Variants in NOS1AP observed in about 807,000 individuals in gnomAD.
NOS1AP encodes the protein carboxyl-terminal PDZ ligand of neuronal nitric oxide synthase protein.
A neutral mutation model predicts 56.2 loss-of-function variants in NOS1AP; 21 were observed. The ratio of observed to expected loss-of-function variants is 0.37; its 90% CI spans 0.26 to 0.54. The LOEUF (loss-of-function observed/expected upper bound fraction) is 0.54. Among genes scored for constraint, NOS1AP ranks in the 20% least tolerant of loss-of-function variants. The probability of loss-of-function intolerance (pLI) is 0.84; values close to 1 mark genes in which losing one functional copy is unlikely to be tolerated. For synonymous variants in NOS1AP, 270 were observed against 274.6 expected (o/e 0.98, Z 0.17); for missense variants, 522 against 657.8 (o/e 0.79, Z 2.26).
chr1:162,136,001 T>G (rs1309416988), intron 1 of NOS1AP, among the ~76,000 whole-genome samples: 1 of 152,210 alleles, frequency 6.6e-6, no homozygotes, highest in Admixed American at 6.5e-5. Context: ...TTTAGAATCC[T>G]GAGATTCTGG....
chr1:162,267,345 T>C (rs1654455567), intron 2 of NOS1AP, among the ~76,000 whole-genome samples: 2 of 152,196 alleles, frequency 1.3e-5, no homozygotes, highest in African/African-American at 4.8e-5. Flanking sequence ...GAATGGTTGT[T>C]AAACCTGGTG....
intron 1 of NOS1AP, among the ~76,000 whole-genome samples, chr1:162,121,117 G>GCATTTTTTT (rs1361698365): frequency 7.7e-6 from 1 of 129,804 alleles, no homozygotes; most frequent in African/African-American, 3.1e-5. Flanking sequence ...TTGAAAAACT[G>GCATTTTTTT]CATTTGAGAG....
In NOS1AP at chr1:162,355,294, C is replaced by T. The variant is rs1657665846; in HGVS notation, c.703C>T (p.Arg235Ter). Residue 235 changes from arginine to a stop codon, truncating the protein, a stop_gained, in exon 7 of 10, where the codon CGA becomes TGA. Transcript: ENST00000361897. LOFTEE classifies it high-confidence loss of function. ...LPGNDVLEFSRGVTDLDAVGK... is the reference protein window; with the variant it reads ...LPGNDVLEFS The stretch of plus-strand genomic sequence containing the variant: ...AGGGAATGATGTCCTGGAATTCAGC[C>T]GAGGTGTGACTGATCTAGATGCTGT... 3 of 1,613,996 alleles carry T rather than the reference C, an allele frequency of 1.9e-6. No individual in the cohort carries two copies. The highest frequency in any genetic ancestry group is 1.7e-6 in the Non-Finnish European group (2 of 1,179,992).
chr1:162,182,184 G>A (rs563537071), intron 2 of NOS1AP, among the ~76,000 whole-genome samples: 6 of 152,236 alleles, frequency 3.9e-5, no homozygotes, highest in East Asian at 1.9e-4. Flanking sequence ...TAATTGTTAC[G>A]ACAGTCATCA....
At chr1:162,306,714 A>ATCACTTGAT (rs1655841879) in intron 4 of NOS1AP, among the ~76,000 whole-genome samples, 2 of 152,324 alleles carry the variant, frequency 1.3e-5, no homozygotes, top group Admixed American at 1.3e-4. Context: ...AGTTGGGCGA[A>ATCACTTGAT]TCACTTGAGG....
chr1:162,231,934 T>C, intron 2 of NOS1AP, among the ~76,000 whole-genome samples: 1 of 152,260 alleles, frequency 6.6e-6, no homozygotes, highest in East Asian at 1.9e-4. Context: ...GCAATGGTTA[T>C]CTTTGGGAAT....
chr1:162,261,460 C>CGGGGGGGGGGGG (rs1654209125), intron 2 of NOS1AP, among the ~76,000 whole-genome samples: 1 of 11,126 alleles, frequency 9.0e-5, no homozygotes, highest in African/African-American at 2.7e-4. Flanking sequence ...AGAGAGGCAG[C>CGGGGGGGGGGGG]GGGGAGTCAG....
intron 1 of NOS1AP, among the ~76,000 whole-genome samples, chr1:162,126,955 A>G (rs978079590): frequency 6.6e-6 from 1 of 152,140 alleles, no homozygotes; most frequent in African/African-American, 2.4e-5. Context: ...TGTATTGTCA[A>G]ACTTGGATTT....
At chr1:162,196,653 T>A (rs1402261149) in intron 2 of NOS1AP, among the ~76,000 whole-genome samples, 3 of 152,342 alleles carry the variant, frequency 2.0e-5, no homozygotes, top group Non-Finnish European at 4.4e-5. Context: ...AGGAAAGAGA[T>A]GCTGGATGAG....
chr1:162,354,767 G>T (rs1479564258), intron 6 of NOS1AP, among the ~76,000 whole-genome samples: 1 of 152,150 alleles, frequency 6.6e-6, no homozygotes, highest in Non-Finnish European at 1.5e-5. Context: ...AGAGAGTGAG[G>T]GGATTTGCTT....
At chr1:162,249,788 A>G (rs1476805001) in intron 2 of NOS1AP, among the ~76,000 whole-genome samples, 2 of 152,210 alleles carry the variant, frequency 1.3e-5, no homozygotes, top group Non-Finnish European at 2.9e-5. Flanking sequence ...ATAATTATGC[A>G]TGAGTGTAAA....
At chr1:162,329,361 A>AAAG (rs1557880275) in intron 4 of NOS1AP, among the ~76,000 whole-genome samples, 1 of 148,700 alleles carries the variant, frequency 6.7e-6, no homozygotes, top group South Asian at 2.2e-4. Context: ...CCAAGAAAAA[A>AAAG]AGAGAGAGAG....
intron 2 of NOS1AP, among the ~76,000 whole-genome samples, chr1:162,235,953 T>C (rs1024539971): frequency 4.6e-5 from 7 of 152,228 alleles, no homozygotes; most frequent in Non-Finnish European, 1.0e-4. Context: ...TCATTGGAGA[T>C]GAGAAACTGA....
At chr1:162,324,849 C>T (rs747231832) in intron 4 of NOS1AP, among the ~76,000 whole-genome samples, 4 of 152,184 alleles carry the variant, frequency 2.6e-5, no homozygotes, top group African/African-American at 4.8e-5. Context: ...TTGACTGTCT[C>T]TCGAGGTCTC....
chr1:162,277,803 T>A (rs1315301414), intron 2 of NOS1AP, among the ~76,000 whole-genome samples: 5 of 152,302 alleles, frequency 3.3e-5, no homozygotes, highest in African/African-American at 1.2e-4. Context: ...GGCAAGGGAT[T>A]TAGGGACCAC....
intron 4 of NOS1AP, among the ~76,000 whole-genome samples, chr1:162,331,889 T>C (rs187373699): frequency 4.6e-4 from 70 of 152,296 alleles, no homozygotes; most frequent in Non-Finnish European, 8.2e-4. Context: ...TTGCTTATAA[T>C]TTTCCCCCTT....
chr1:162,347,300 A>C (rs929044173), intron 6 of NOS1AP, among the ~76,000 whole-genome samples: 3 of 152,250 alleles, frequency 2.0e-5, no homozygotes, highest in Non-Finnish European at 4.4e-5. Context: ...TTAAACCCAC[A>C]GTCACATTGG....
intron 1 of NOS1AP, among the ~76,000 whole-genome samples, chr1:162,092,073 T>C (rs1372926703): frequency 6.6e-6 from 1 of 152,200 alleles, no homozygotes; most frequent in Non-Finnish European, 1.5e-5. Flanking sequence ...TTCAAGGCTG[T>C]GGATCCAACA....
intron 6 of NOS1AP, among the ~76,000 whole-genome samples, chr1:162,352,310 C>T (rs986367222): frequency 3.9e-5 from 6 of 152,118 alleles, no homozygotes; most frequent in South Asian, 2.1e-4. Flanking sequence ...CCACCCACCC[C>T]GGCCTCCCAA....
Sources: allele counts gnomAD v4.1 joint callset (sites outside exome capture counted in the v4.1 genomes callset), GRCh38; gene constraint gnomAD v4.1.1; transcripts MANE v1.5; gene names NCBI Gene and HGNC (gene_info 2026-07-23, HGNC 2026-07-21).